The following RPAP3 variants were observed in gnomAD, a reference collection of about 807,000 sequenced individuals.
The protein encoded by RPAP3 is RNA polymerase II-associated protein 3.
RPAP3 carries 58 observed loss-of-function variants against 88.8 expected under a neutral mutation model. The ratio of observed to expected loss-of-function variants is 0.65; its 90% CI spans 0.53 to 0.81. RPAP3 has a LOEUF of 0.81. RPAP3 is among the 40% of genes least tolerant of loss of function. The pLI is 0.00. For missense variants in RPAP3, 751 were observed against 764.3 expected (o/e 0.98, Z 0.20); for synonymous variants, 255 against 259.9 (o/e 0.98, Z 0.18).
intron 7 of RPAP3, among the ~76,000 whole-genome samples, chr12:47,688,436 T>C (rs975858957): frequency 3.9e-5 from 6 of 152,086 alleles, no homozygotes; most frequent in East Asian, 1.9e-4. Flanking sequence ...CTCAGTATCA[T>C]ACAATATGCC....
At chr12:47,689,060 T>C (rs1272013026) in intron 7 of RPAP3, 65 bp downstream of exon 7, 1 of 731,764 alleles carries the variant, frequency 1.4e-6, no homozygotes, top group Non-Finnish European at 2.3e-6. Flanking sequence ...ACAAAATCTA[T>C]GCAAAAAGCT....
At chr12:47,687,012 C>A in intron 8 of RPAP3, 105 bp from the exon 9 acceptor site, 1 of 655,478 alleles carries the variant, frequency 1.5e-6, no homozygotes, top group Non-Finnish European at 2.4e-6. Flanking sequence ...AACAGTATTT[C>A]AAGAAAGAAT....
intron 8 of RPAP3, 24 bp from the exon 9 acceptor site, chr12:47,686,931 G>A: frequency 6.8e-7 from 1 of 1,479,356 alleles, no homozygotes; most frequent in Admixed American, 2.3e-5. Flanking sequence ...GAGAGATATG[G>A]AGAATAAAAA....
chr12:47,668,936 T>C lies in RPAP3; in HGVS notation c.1693A>G (p.Met565Val). Residue 565 changes from methionine to valine, a missense_variant, in exon 14 of 17, where the codon ATG becomes GTG. Coordinates refer to ENST00000005386, the MANE Select transcript of RPAP3 (RefSeq NM_024604.3). ...DFRQLKSSPDMLYQYLKQIEP... is the reference protein window; with the variant it reads ...DFRQLKSSPDVLYQYLKQIEP... The stretch of plus-strand genomic sequence containing the variant: ...CTTACCTTTAAATACTGATACAACA[T>C]ATCTGGAGAACTTTTCAATTGTCTG... The C allele has an allele frequency of 1.2e-6, 2 of 1,613,660 alleles. No individual in the cohort carries two copies. The highest frequency in any genetic ancestry group is 2.2e-5 in the East Asian group (1 of 44,852).
intron 12 of RPAP3, among the ~76,000 whole-genome samples, chr12:47,678,993 C>A (rs1441119199): frequency 6.6e-6 from 1 of 152,204 alleles, no homozygotes. Context: ...AGACTTGGAA[C>A]CAACCCAAAT....
At chr12:47,670,527 A>G (rs1047606293) in intron 12 of RPAP3, among the ~76,000 whole-genome samples, 182 bp from the exon 13 acceptor site, 23 of 152,246 alleles carry the variant, frequency 1.5e-4, no homozygotes, top group African/African-American at 5.3e-4. Context: ...CAAAGCACTT[A>G]TCCCAGGTAG....
intron 9 of RPAP3, among the ~76,000 whole-genome samples, chr12:47,686,569 C>CACAT (rs1939327646): frequency 6.6e-6 from 1 of 151,804 alleles, no homozygotes; most frequent in African/African-American, 2.4e-5. Flanking sequence ...CACACACACA[C>CACAT]ACACACACTA....
chr12:47,701,652 A>C (rs769088122), intron 2 of RPAP3, 48 bp from the exon 3 acceptor site: 153 of 1,383,866 alleles, frequency 1.1e-4, no homozygotes, highest in Non-Finnish European at 1.4e-4. Flanking sequence ...ATGCTCTGTT[A>C]CTCTTTGTAT....
Position 47,702,816 on chromosome 12 carries a change from C to T in RPAP3, c.25G>A (p.Glu9Lys), listed in dbSNP as rs761613202. 18 of 1,612,818 alleles carry T rather than the reference C, an allele frequency of 1.1e-5. No homozygotes were observed. Among genetic ancestry groups the T allele is most frequent in the African/African-American group, 2.7e-5 (2 of 74,808 alleles). Residue 9 changes from glutamate to lysine, a missense_variant, in exon 2 of 17, where the codon GAA becomes AAA. Transcript: ENST00000005386. MTSANKAIELQLQVKQNAE... is the reference protein window; with the variant it reads MTSANKAIKLQLQVKQNAE... The stretch of plus-strand genomic sequence containing the variant: ...TTTTGTTTCACTTGTAGTTGTAATT[C>T]GATTGCTTTATTTGCTGAAGTCATT...
At chr12:47,668,114 G>A (rs1334978990) in intron 14 of RPAP3, among the ~76,000 whole-genome samples, 4 of 152,170 alleles carry the variant, frequency 2.6e-5, no homozygotes, top group African/African-American at 9.7e-5. Context: ...AGAATTGCTT[G>A]AACCTGGGAG....
In RPAP3 at chr12:47,663,347, C is replaced by CACTAG; in HGVS notation, c.*153_*157dup. On this transcript the variant is annotated 3_prime_UTR_variant, in exon 17 of 17. Coordinates refer to ENST00000005386, the MANE Select transcript of RPAP3 (RefSeq NM_024604.3). ...ACAGAGTTCACTTGAATACAATTCT[C>CACTAG]ACTAGTTAAATCACAATTCACCTTA... 3.8e-6 allele frequency: 2 copies of CACTAG among 522,746 alleles called. No homozygotes were observed. The highest frequency in any genetic ancestry group is 6.7e-6 in the Non-Finnish European group (2 of 299,706). 32.4% of individuals were successfully genotyped at this position (522,746 alleles called of 1,614,324 possible). A position where few individuals can be genotyped will look rare whatever the true frequency, so the allele number is the denominator to read the frequency against.
chr12:47,700,463 C>T (rs1310667569), intron 3 of RPAP3, among the ~76,000 whole-genome samples: 5 of 152,232 alleles, frequency 3.3e-5, no homozygotes, highest in South Asian at 2.1e-4. Flanking sequence ...TCAAATATTA[C>T]GTAATAAACA....
At chr12:47,664,672 G>A (rs1938831116) in intron 16 of RPAP3, 1 of 152,130 alleles carries the variant, frequency 6.6e-6, no homozygotes, top group South Asian at 2.1e-4. Flanking sequence ...CAGTACTATT[G>A]GTCAGCCAGT....
Position 47,672,433 on chromosome 12 carries a change from T to A in RPAP3, c.1288-2088A>T, listed in dbSNP as rs12366410. 1.1e-3 allele frequency among the ~76,000 whole-genome samples: 165 copies of A among 152,228 alleles called. 1 individual carries two copies. The highest frequency in any genetic ancestry group is 0.01 in the Middle Eastern group (3 of 294). ...AAAATTTGTTTCACCTGAAATTGCC[T>A]CAGCATTTATGCACATTATTTCCTT... is the stretch of plus-strand genomic sequence containing the variant. On this transcript the variant is annotated intron_variant, in intron 12 of 16. Coordinates refer to ENST00000005386, the MANE Select transcript of RPAP3 (RefSeq NM_024604.3).
At chr12:47,699,158 C>T (rs557354257) in intron 3 of RPAP3, among the ~76,000 whole-genome samples, 21 of 152,318 alleles carry the variant, frequency 1.4e-4, no homozygotes, top group Admixed American at 3.3e-4. Flanking sequence ...ATCTTGTATA[C>T]AGACACCAAA....
At chr12:47,697,805 A>C in intron 3 of RPAP3, 86 bp from the exon 4 acceptor site, 1 of 1,175,724 alleles carries the variant, frequency 8.5e-7, no homozygotes, top group Non-Finnish European at 1.2e-6. Flanking sequence ...AATACACTCA[A>C]ATGAATGTAA....
rs751945218 is a variant in RPAP3 at position 47,663,323 on chromosome 12, CAG to C, written c.*180_*181del. The C allele has an allele frequency of 3.5e-4, 156 of 448,320 alleles. No homozygotes were observed. The highest frequency in any genetic ancestry group is 5.4e-4 in the Non-Finnish European group (138 of 256,222). 27.8% of individuals were successfully genotyped at this position (448,320 alleles called of 1,614,324 possible). A position where few individuals can be genotyped will look rare whatever the true frequency, so the allele number is the denominator to read the frequency against. On this transcript the variant is annotated 3_prime_UTR_variant, in exon 17 of 17. Transcript: ENST00000005386. ...GTTTATATTTTTATTTTCAGAAAAA[CAG>C]AGTTCACTTGAATACAATTCTCACT...
chr12:47,671,245 TG>T lies in RPAP3; in HGVS notation c.1288-901del, dbSNP rs576185192. Among the ~76,000 whole-genome samples, 262 of 152,216 alleles carry T rather than the reference TG, an allele frequency of 1.7e-3. 1 individual carries two copies. The highest frequency in any genetic ancestry group is 6.2e-3 in the African/African-American group (258 of 41,542). On this transcript the variant is annotated intron_variant, in intron 12 of 16. Transcript: ENST00000005386. The stretch of plus-strand genomic sequence containing the variant: ...GGAGCTATTGTTACACCAAGGGCAT[TG>T]AAAAATGAAACAAGTTAAGAAAAGC...
chr12:47,695,520 A>C (rs1180920128), intron 5 of RPAP3, among the ~76,000 whole-genome samples: 1 of 152,070 alleles, frequency 6.6e-6, no homozygotes, highest in African/African-American at 2.4e-5. Context: ...AAATAATGGT[A>C]ATGTTCTGGT....
Sources: gnomAD v4.1 joint callset for allele counts (sites outside exome capture counted in the v4.1 genomes callset) on GRCh38, gnomAD v4.1.1 for gene constraint, MANE v1.5 for transcripts, NCBI Gene and HGNC (gene_info 2026-07-23, HGNC 2026-07-21) for gene names.